Variants in TANC1 observed in about 807,000 individuals in gnomAD.
The protein encoded by TANC1 is tetratricopeptide repeat, ankyrin repeat and coiled-coil containing 1, also known as protein TANC1.
Under a neutral mutation model 149.7 loss-of-function variants are expected in TANC1, and 77 were observed. The ratio of observed to expected loss-of-function variants is 0.51; its 90% CI spans 0.43 to 0.62. TANC1 has a LOEUF of 0.62. Among genes scored for constraint, TANC1 ranks in the 20% least tolerant of loss-of-function variants. The probability of loss-of-function intolerance (pLI) is 0.00; values close to 1 mark genes in which losing one functional copy is unlikely to be tolerated. For missense variants in TANC1, 1,985 were observed against 2,321.8 expected (o/e 0.85, Z 2.98); for synonymous variants, 854 against 925.0 (o/e 0.92, Z 1.39).
intron 7 of TANC1, 137 bp from the exon 8 acceptor site, chr2:159,163,146 A>G (rs2054216754): frequency 3.5e-6 from 3 of 847,690 alleles, no homozygotes; most frequent in East Asian, 5.3e-5. Flanking sequence ...AATACATTGT[A>G]TGGAACATAC....
At chr2:159,014,707 G>C (rs117714376) in intron 2 of TANC1, among the ~76,000 whole-genome samples, 1 of 152,312 alleles carries the variant, frequency 6.6e-6, no homozygotes, top group East Asian at 1.9e-4. Context: ...TACTGACATT[G>C]GGTAAATACA....
At chr2:159,058,920 A>T (rs143080107) in intron 2 of TANC1, among the ~76,000 whole-genome samples, 26 of 152,336 alleles carry the variant, frequency 1.7e-4, no homozygotes, top group African/African-American at 6.0e-4. Flanking sequence ...ATTTCACCAC[A>T]ATAGTTTCCA....
intron 8 of TANC1, among the ~76,000 whole-genome samples, chr2:159,165,268 T>C (rs1575051949): frequency 1.3e-5 from 2 of 152,202 alleles, no homozygotes; most frequent in African/African-American, 4.8e-5. Flanking sequence ...GCCGTGATTA[T>C]AGAGCAGAGC....
In TANC1 at chr2:159,136,204, G is replaced by GAAGCCCAA; in HGVS notation, c.271_278dup (p.Tyr94SerfsTer16). On this transcript the variant is annotated frameshift_variant, in exon 5 of 27. Coordinates refer to ENST00000263635, the MANE Select transcript of TANC1 (RefSeq NM_033394.3). LOFTEE classifies it high-confidence loss of function. Reference sequence around the variant, plus strand: ...TCTTTCCCACTACAGGTCCCGTCAGGAAGCCCAAGTATGTGGAAAGCCCCA... The same window carrying GAAGCCCAA: ...TCTTTCCCACTACAGGTCCCGTCAGGAAGCCCAAAAGCCCAAGTATGTGGAAAGCCCCA... The GAAGCCCAA allele has an allele frequency of 6.2e-7, 1 of 1,608,056 alleles. No homozygotes were observed. The highest frequency in any genetic ancestry group is 8.5e-7 in the Non-Finnish European group (1 of 1,174,504).
chr2:159,177,533 A>AT (rs1266021609), intron 13 of TANC1, among the ~76,000 whole-genome samples: 4 of 152,102 alleles, frequency 2.6e-5, no homozygotes, highest in African/African-American at 9.7e-5. Context: ...CAGTTTGTAT[A>AT]TTTTTCAGTC....
At chr2:159,072,886 G>A (rs1314496046) in intron 3 of TANC1, among the ~76,000 whole-genome samples, 1 of 152,124 alleles carries the variant, frequency 6.6e-6, no homozygotes, top group Non-Finnish European at 1.5e-5. Context: ...AAATATTCTG[G>A]CATCTCCTCT....
chr2:158,992,708 G>C (rs1222460294), intron 1 of TANC1, among the ~76,000 whole-genome samples: 1 of 133,002 alleles, frequency 7.5e-6, no homozygotes, highest in African/African-American at 2.9e-5. Flanking sequence ...TTTTAGTAGA[G>C]ACAGGGTTTC....
intron 8 of TANC1, among the ~76,000 whole-genome samples, chr2:159,168,157 C>T (rs1213763782): frequency 6.6e-6 from 1 of 152,132 alleles, no homozygotes; most frequent in African/African-American, 2.4e-5. Context: ...AGATTTTCCT[C>T]AATGTAATAA....
At chr2:159,228,727 A>C in intron 25 of TANC1, 69 bp from the exon 26 acceptor site, 3 of 1,183,686 alleles carry the variant, frequency 2.5e-6, no homozygotes, top group Non-Finnish European at 3.8e-6. Flanking sequence ...TTTAGAACAA[A>C]ACTAGACGGG....
intron 3 of TANC1, among the ~76,000 whole-genome samples, chr2:159,083,652 T>A (rs2149804318): frequency 6.6e-6 from 1 of 152,364 alleles, no homozygotes; most frequent in Non-Finnish European, 1.5e-5. Flanking sequence ...ATTTTGATGC[T>A]TAATTTACAT....
intron 18 of TANC1, among the ~76,000 whole-genome samples, 189 bp downstream of exon 18, chr2:159,196,982 G>A (rs985484715): frequency 5.9e-5 from 9 of 152,232 alleles, no homozygotes; most frequent in African/African-American, 1.2e-4. Context: ...CTATGCACAC[G>A]TGATGGGGAC....
intron 4 of TANC1, among the ~76,000 whole-genome samples, chr2:159,131,441 C>T (rs548070224): frequency 1.1e-3 from 164 of 152,212 alleles, no homozygotes; most frequent in African/African-American, 3.7e-3. Flanking sequence ...ATGTCACCCG[C>T]GCCCCTGCCT....
At chr2:159,186,036 C>T in intron 15 of TANC1, 137 bp downstream of exon 15, 1 of 650,258 alleles carries the variant, frequency 1.5e-6, no homozygotes, top group Non-Finnish European at 2.7e-6. Context: ...CCTCCTGCCT[C>T]CCCTCTCCAA....
intron 2 of TANC1, among the ~76,000 whole-genome samples, chr2:159,006,595 G>C (rs1387786312): frequency 6.6e-6 from 1 of 152,036 alleles, no homozygotes; most frequent in Non-Finnish European, 1.5e-5. Flanking sequence ...CAAATAATGA[G>C]ACAAGTAAAC....
At chr2:159,005,007 G>C (rs1474019403) in intron 2 of TANC1, among the ~76,000 whole-genome samples, 1 of 152,216 alleles carries the variant, frequency 6.6e-6, no homozygotes, top group African/African-American at 2.4e-5. Flanking sequence ...CCGAAACAAA[G>C]GGATGGGTCT....
intron 22 of TANC1, 49 bp downstream of exon 22, chr2:159,219,916 C>G (rs768561822): frequency 1.9e-6 from 3 of 1,598,096 alleles, no homozygotes; most frequent in Non-Finnish European, 2.6e-6. Flanking sequence ...GGAAAGAAAC[C>G]CCAGGAAGTG....
chr2:159,176,552 C>T (rs1258726682), intron 13 of TANC1, 34 bp downstream of exon 13: 1 of 1,524,360 alleles, frequency 6.6e-7, no homozygotes, highest in Non-Finnish European at 8.9e-7. Context: ...TCTCCAAGTC[C>T]CCATTCCAAT....
chr2:159,113,704 A>C (rs544939490), intron 4 of TANC1, among the ~76,000 whole-genome samples: 16 of 152,312 alleles, frequency 1.1e-4, no homozygotes, highest in Non-Finnish European at 2.9e-5. Flanking sequence ...AGGACTCTTG[A>C]AATCTAATTG....
At chr2:159,141,584 G>T (rs35975001) in intron 5 of TANC1, among the ~76,000 whole-genome samples, 36,646 of 152,096 alleles carry the variant, frequency 0.24, 5,416 homozygotes, top group Non-Finnish European at 0.35. Context: ...TTCAGGCATG[G>T]AGACTTCAAA....
Sources: allele counts gnomAD v4.1 joint callset (sites outside exome capture counted in the v4.1 genomes callset), GRCh38; gene constraint gnomAD v4.1.1; transcripts MANE v1.5; gene names NCBI Gene and HGNC (gene_info 2026-07-23, HGNC 2026-07-21).